LTV1: variants seen among roughly 807,000 people sequenced by gnomAD.
LTV1 encodes the protein LTV1 ribosome biogenesis factor, also known as protein LTV1 homolog.
LTV1 carries 39 observed loss-of-function variants against 59.9 expected under a neutral mutation model. The ratio of observed to expected loss-of-function variants is 0.65; its 90% confidence interval spans 0.50 to 0.85. The LOEUF is 0.85. Ranked by LOEUF, LTV1 falls within the 40% of genes least tolerant of loss-of-function variation. LTV1 has a pLI of 0.00. For synonymous variants in LTV1, 171 were observed against 189.5 expected (o/e 0.90, Z 0.80); for missense variants, 493 against 549.1 (o/e 0.90, Z 1.02).
chr6:143,862,005 G>T lies in LTV1; in HGVS notation c.924-99G>T. On this transcript the variant is annotated intron_variant, in intron 7 of 10. Coordinates refer to ENST00000367576, the MANE Select transcript of LTV1 (RefSeq NM_032860.5). The surrounding 1 kb of genome is among the most constrained non-coding windows in gnomAD (Gnocchi z 4.2). ...CTGGAATATGTGCATTTAAAACATT[G>T]GTTTTTCCACAGCTAAAAATTGCAG... 1 of 1,170,794 alleles carries T rather than the reference G, an allele frequency of 8.5e-7. No homozygotes were observed. The allele number at this position is 1,170,794 out of a possible 1,614,324, so 72.5% of individuals were successfully genotyped here. A position where few individuals can be genotyped will look rare whatever the true frequency, so the allele number is the denominator to read the frequency against.
intron 2 of LTV1, among the ~76,000 whole-genome samples, chr6:143,844,945 T>A (rs1437071493): frequency 6.6e-6 from 1 of 152,224 alleles, no homozygotes; most frequent in Non-Finnish European, 1.5e-5. Context: ...AAGACAAAGA[T>A]CTTTATTTGA....
At chr6:143,853,502 T>A (rs928078631) in intron 4 of LTV1, among the ~76,000 whole-genome samples, 20 of 152,216 alleles carry the variant, frequency 1.3e-4, no homozygotes, top group African/African-American at 3.9e-4. Flanking sequence ...CTTCCAATAC[T>A]GTGTTGAATA....
intron 6 of LTV1, among the ~76,000 whole-genome samples, chr6:143,860,194 A>G (rs1777139090): frequency 6.6e-6 from 1 of 152,232 alleles, no homozygotes; most frequent in Non-Finnish European, 1.5e-5. Flanking sequence ...TTTCATTTAC[A>G]TGTTAAATGG....
chr6:143,860,446 T>G lies in LTV1; in HGVS notation c.816T>G (p.Asp272Glu), dbSNP rs150270712. The change falls in exon 7 of 11, where the codon GAT (aspartate) becomes GAG (glutamate). Residue 272 changes from aspartate to glutamate, a missense_variant. By Grantham distance (45) the Asp-to-Glu change is conservative. Transcript: ENST00000367576. ...RFEKFYEQYDDDEIGALDNAE... is the reference protein window; with the variant it reads ...RFEKFYEQYDEDEIGALDNAE... ...TCAAGTTTTATGAGCAATATGATGA[T>G]GATGAAATTGGAGCTCTGGATAATG... is the stretch of plus-strand genomic sequence containing the variant. The G allele has an allele frequency of 6.2e-7, 1 of 1,613,428 alleles. No homozygotes were observed. Among genetic ancestry groups the G allele is most frequent in the African/African-American group, 1.3e-5 (1 of 75,056 alleles).
At position 143,850,121 on chromosome 6, in the gene LTV1, C is replaced by G. The variant is rs1562329813; in HGVS notation, c.310-10C>G. Reference sequence around the variant, plus strand: ...AATAAACCTAACCATTGTGCAATTTCTTTTTCAAGAGCACTGGAATTAAGT... The same window carrying G: ...AATAAACCTAACCATTGTGCAATTTGTTTTTCAAGAGCACTGGAATTAAGT... On this transcript the variant is annotated splice_polypyrimidine_tract_variant and intron_variant, in intron 3 of 10. Transcript: ENST00000367576. 1.2e-6 allele frequency: 2 copies of G among 1,609,666 alleles called. No individual in the cohort carries two copies. The highest frequency in any genetic ancestry group is 2.2e-5 in the South Asian group (2 of 90,412).
At chr6:143,851,595 C>T (rs1776984347) in intron 4 of LTV1, among the ~76,000 whole-genome samples, 4 of 151,058 alleles carry the variant, frequency 2.6e-5, no homozygotes, top group Admixed American at 1.3e-4. Context: ...TTAAATTATA[C>T]TTTAAGTCCT....
Position 143,862,089 on chromosome 6 carries a change from A to G in LTV1, c.924-15A>G. The G allele has an allele frequency of 1.2e-6, 2 of 1,604,614 alleles. No homozygotes were observed. Among genetic ancestry groups the G allele is most frequent in the South Asian group, 2.3e-5 (2 of 88,648 alleles). On this transcript the variant is annotated splice_polypyrimidine_tract_variant and intron_variant, in intron 7 of 10. Transcript: ENST00000367576. This position sits in a 1 kb window ranked among gnomAD's most constrained non-coding sequence, Gnocchi z 4.2. ...TCCCCCTCTTGGTCTTCACTTTTAA[A>G]AACTCGTCTAAAAGTTGTGTAAAAT...
At chr6:143,845,398 G>A (rs4896675) in intron 2 of LTV1, among the ~76,000 whole-genome samples, 4,110 of 152,116 alleles carry the variant, frequency 0.027, 104 homozygotes, top group Admixed American at 0.072. Context: ...CTTTCAAGGC[G>A]CCCAAATCTC....
intron 3 of LTV1, among the ~76,000 whole-genome samples, chr6:143,849,790 T>A (rs1016169215): frequency 6.6e-6 from 1 of 152,170 alleles, no homozygotes. Flanking sequence ...TTGGTTTTTT[T>A]CTTGGGGGCT....
intron 3 of LTV1, among the ~76,000 whole-genome samples, chr6:143,849,562 T>C (rs1776947989): frequency 6.6e-6 from 1 of 152,156 alleles, no homozygotes; most frequent in Non-Finnish European, 1.5e-5. Context: ...GAAGGCATTG[T>C]GATGTATTAT....
chr6:143,862,302 C>T lies in LTV1; in HGVS notation c.1063+59C>T. On this transcript the variant is annotated intron_variant, in intron 8 of 10. Transcript: ENST00000367576. This position sits in a 1 kb window ranked among gnomAD's most constrained non-coding sequence, Gnocchi z 4.2. ...AGTATTAAAGTATATCAACTTTAGG[C>T]TGGGTGCGGTGCCTCACGCCTGTAG... 6.7e-7 allele frequency: 1 copy of T among 1,498,448 alleles called. No homozygotes were observed. The highest frequency in any genetic ancestry group is 1.2e-5 in the South Asian group (1 of 83,120). 92.8% of individuals were successfully genotyped at this position (1,498,448 alleles called of 1,614,324 possible).
intron 4 of LTV1, 99 bp downstream of exon 4, chr6:143,850,317 CAATT>C: frequency 3.7e-6 from 3 of 821,380 alleles, no homozygotes; most frequent in Non-Finnish European, 4.0e-6. Context: ...AGTATTGAAA[CAATT>C]GAGATATGTC....
rs564091704 is a variant in LTV1, at chr6:143,847,768, G to A, written c.309+1544G>A. Reference sequence around the variant, plus strand: ...ATGGACACTTCAGTGACCTTTGCAGGGACAGCTGAATTGTATTTAAAAACA... The same window carrying A: ...ATGGACACTTCAGTGACCTTTGCAGAGACAGCTGAATTGTATTTAAAAACA... On this transcript the variant is annotated intron_variant, in intron 3 of 10. Coordinates refer to ENST00000367576, the MANE Select transcript of LTV1 (RefSeq NM_032860.5). 3.3e-5 allele frequency among the ~76,000 whole-genome samples: 5 copies of A among 152,256 alleles called. No individual in the cohort carries two copies. The East Asian group carries it at 9.6e-4, about 29-fold the overall frequency.
chr6:143,847,522 C>T (rs142864916), intron 3 of LTV1, among the ~76,000 whole-genome samples: 2,190 of 152,224 alleles, frequency 0.014, 46 homozygotes, highest in African/African-American at 0.05. Flanking sequence ...GCACTGTGCC[C>T]GGCTAATTTT....
chr6:143,859,889 A>G (rs1321430831), intron 6 of LTV1, among the ~76,000 whole-genome samples: 1 of 152,114 alleles, frequency 6.6e-6, no homozygotes, highest in Non-Finnish European at 1.5e-5. Flanking sequence ...GGATCACTTG[A>G]GCCTAGGAGT....
rs144078920 is a variant in LTV1 at position 143,861,160 on chromosome 6, G to T, written c.923+607G>T. Among the ~76,000 whole-genome samples the T allele has an allele frequency of 7.9e-4, 120 of 152,272 alleles. 1 individual carries two copies. The highest frequency in any genetic ancestry group is 2.6e-3 in the African/African-American group (110 of 41,538). On this transcript the variant is annotated intron_variant, in intron 7 of 10. Coordinates refer to ENST00000367576, the MANE Select transcript of LTV1 (RefSeq NM_032860.5). ...AATATGCCTGCCTCGGTCTCCCAAA[G>T]TGCTGGGATTATAGGTCTGAGCCAC...
chr6:143,854,338 C>G (rs1777039622), intron 4 of LTV1, among the ~76,000 whole-genome samples: 1 of 152,224 alleles, frequency 6.6e-6, no homozygotes, highest in East Asian at 1.9e-4. Flanking sequence ...ATTCTTCTCT[C>G]TTTTCTTCTT....
In LTV1 at chr6:143,857,569, T is replaced by G; in HGVS notation, c.539+125T>G. The G allele has an allele frequency of 6.3e-6, 7 of 1,112,670 alleles. No individual in the cohort carries two copies. The highest frequency in any genetic ancestry group is 2.4e-5 in the East Asian group (1 of 42,332). 68.9% of individuals were successfully genotyped at this position (1,112,670 alleles called of 1,614,324 possible). A position where few individuals can be genotyped will look rare whatever the true frequency, so the allele number is the denominator to read the frequency against. ...AGCATTTAATCTGAGACTTCTGTAT[T>G]TTAGAGCAGAAAATGTGAGATTCAT... On this transcript the variant is annotated intron_variant, in intron 5 of 10. Transcript: ENST00000367576. This position sits in a 1 kb window ranked among gnomAD's most constrained non-coding sequence, Gnocchi z 5.2.
rs772509990 is a variant in LTV1, at chr6:143,862,824, AC to A, written c.1064-19del. The A allele has an allele frequency of 8.6e-5, 125 of 1,445,134 alleles. No homozygotes were observed. The highest frequency in any genetic ancestry group is 1.1e-4 in the Non-Finnish European group (118 of 1,026,668). 89.5% of individuals were successfully genotyped at this position (1,445,134 alleles called of 1,614,324 possible). A position where few individuals can be genotyped will look rare whatever the true frequency, so the allele number is the denominator to read the frequency against. ...CTGAAAACATGCTTACTGATACATGACTTTTATTTGTTTGTTTAGGTACATA... is the reference window on the plus strand; with the variant it reads ...CTGAAAACATGCTTACTGATACATGATTTTATTTGTTTGTTTAGGTACATA... On this transcript the variant is annotated intron_variant, in intron 8 of 10. Coordinates refer to ENST00000367576, the MANE Select transcript of LTV1 (RefSeq NM_032860.5). The surrounding 1 kb of genome is among the most constrained non-coding windows in gnomAD (Gnocchi z 4.2).
Sources: gnomAD v4.1 joint callset for allele counts (sites outside exome capture counted in the v4.1 genomes callset) on GRCh38, gnomAD v4.1.1 for gene constraint, Gnocchi (gnomAD v3.1) non-coding constraint, MANE v1.5 for transcripts, NCBI Gene and HGNC (gene_info 2026-07-23, HGNC 2026-07-21) for gene names.